Variants in STK32B observed in about 807,000 individuals in gnomAD.
STK32B encodes the protein serine/threonine kinase 32B.
A neutral mutation model predicts 52.6 loss-of-function variants in STK32B; 43 were observed. The ratio of observed to expected loss-of-function variants is 0.82; its 90% CI spans 0.64 to 1.05. The LOEUF is 1.05. STK32B is among the 50% of genes least tolerant of loss of function. STK32B has a pLI of 0.00. For missense variants in STK32B, 621 were observed against 534.6 expected (o/e 1.16, Z -1.59); for synonymous variants, 238 against 204.3 (o/e 1.17, Z -1.41).
At chr4:5,225,410 A>G (rs1364256274) in intron 3 of STK32B, among the ~76,000 whole-genome samples, 1 of 152,204 alleles carries the variant, frequency 6.6e-6, no homozygotes, top group East Asian at 1.9e-4. Context: ...CCGTCTCGAA[A>G]AAAAATAAAA....
intron 1 of STK32B, among the ~76,000 whole-genome samples, chr4:5,078,007 T>C (rs1294151274): frequency 6.6e-6 from 1 of 152,198 alleles, no homozygotes; most frequent in Non-Finnish European, 1.5e-5. Flanking sequence ...TGCACTGTTG[T>C]CTGATTATGG....
intron 1 of STK32B, among the ~76,000 whole-genome samples, chr4:5,131,136 AGAAAATTT>A (rs1715747043): frequency 6.6e-6 from 1 of 152,200 alleles, no homozygotes; most frequent in African/African-American, 2.4e-5. Context: ...CAGGGAACTC[AGAAAATTT>A]GAGGAGAACA....
intron 1 of STK32B, among the ~76,000 whole-genome samples, chr4:5,111,612 A>G (rs1271041881): frequency 6.6e-6 from 1 of 152,108 alleles, no homozygotes; most frequent in Admixed American, 6.5e-5. Flanking sequence ...GGAGACTTCA[A>G]AAGGGGTTGG....
At chr4:5,412,227 G>A (rs1005951352) in intron 5 of STK32B, among the ~76,000 whole-genome samples, 1 of 152,156 alleles carries the variant, frequency 6.6e-6, no homozygotes, top group African/African-American at 2.4e-5. Flanking sequence ...TTGATTTTTG[G>A]ATGTTTTCAG....
chr4:5,023,048 T>A, the STK32B span, among the ~76,000 whole-genome samples: 2 of 151,878 alleles, frequency 1.3e-5, no homozygotes, highest in Non-Finnish European at 2.9e-5. Flanking sequence ...TGTGTCTCTG[T>A]GAAAGACAGA....
chr4:5,483,214 TC>T (rs1718866254), intron 11 of STK32B, among the ~76,000 whole-genome samples: 1 of 151,566 alleles, frequency 6.6e-6, no homozygotes, highest in South Asian at 2.1e-4. Context: ...ATCCATCTGG[TC>T]CTGGACTCTT....
At position 5,453,552 on chromosome 4, in the gene STK32B, C is replaced by G. The variant is rs886820534; in HGVS notation, c.667-3255C>G. 1.3e-5 allele frequency among the ~76,000 whole-genome samples: 2 copies of G among 151,950 alleles called. No homozygotes were observed. Among genetic ancestry groups the G allele is most frequent in the Non-Finnish European group, 2.9e-5 (2 of 67,998 alleles). On this transcript the variant is annotated intron_variant, in intron 7 of 11. Transcript: ENST00000282908. The surrounding 1 kb of genome is among the most constrained non-coding windows in gnomAD (Gnocchi z 4.0). ...CCTCCTTTTCAGGGTAGGGGTGGGA[C>G]TGTTTTGGGCAGAACTGTTTATTGA...
At chr4:5,208,313 A>G (rs184040920) in intron 3 of STK32B, among the ~76,000 whole-genome samples, 2 of 152,332 alleles carry the variant, frequency 1.3e-5, no homozygotes, top group Non-Finnish European at 2.9e-5. Flanking sequence ...CTAGAAAGGA[A>G]GGAGCGCCGG....
intron 11 of STK32B, among the ~76,000 whole-genome samples, chr4:5,494,977 A>G (rs1359445001): frequency 2.0e-5 from 3 of 152,130 alleles, no homozygotes; most frequent in Non-Finnish European, 4.4e-5. Context: ...CTTTGTGGGT[A>G]ACCCGACCTT....
intron 3 of STK32B, among the ~76,000 whole-genome samples, chr4:5,199,798 A>C (rs764240802): frequency 6.6e-6 from 1 of 151,708 alleles, no homozygotes; most frequent in African/African-American, 2.4e-5. Context: ...TTACGCCACA[A>C]AACCCTGCCC....
rs551679333 is a variant in STK32B, at chr4:5,486,390, C to T, written c.1107-12555C>T. ...TGGGTGTAGGATCCTCCCAGCCAGG[C>T]GCGGGATGTAATTGCTGGTGTGCCG... On this transcript the variant is annotated intron_variant, in intron 11 of 11. Transcript: ENST00000282908. Among the ~76,000 whole-genome samples, 201 of 152,292 alleles carry T rather than the reference C, an allele frequency of 1.3e-3. 1 individual carries two copies. The highest frequency in any genetic ancestry group is 3.9e-3 in the African/African-American group (162 of 41,560).
At position 5,331,391 on chromosome 4, in the gene STK32B, C is replaced by T. The variant is rs746913228; in HGVS notation, c.432C>T (p.His144=). 6.2e-7 allele frequency: 1 copy of T among 1,609,140 alleles called. No homozygotes were observed. Among genetic ancestry groups the T allele is most frequent in the Non-Finnish European group, 8.5e-7 (1 of 1,177,076 alleles). The part of the protein sequence containing the change: ...LEYLQRYHII[H]RDIKPDNILL... ...ATCTTCAGAGGTACCACATCATCCA[C>T]AGGTAACTGGGCTGCTGGCGGGATG... Residue 144 remains histidine (H), a splice_region_variant and synonymous_variant, in exon 4 of 12, where the codon CAC becomes CAT. Coordinates refer to ENST00000282908, the MANE Select transcript of STK32B (RefSeq NM_018401.3).
At chr4:5,196,073 G>T (rs1294927242) in intron 3 of STK32B, among the ~76,000 whole-genome samples, 1 of 152,212 alleles carries the variant, frequency 6.6e-6, no homozygotes, top group African/African-American at 2.4e-5. Context: ...GAGTAGGAAA[G>T]TGTCAAAGAC....
chr4:5,414,438 T>C (rs577691240), intron 5 of STK32B, among the ~76,000 whole-genome samples: 3 of 152,244 alleles, frequency 2.0e-5, no homozygotes, highest in Non-Finnish European at 2.9e-5. Flanking sequence ...TAAAAAAGAA[T>C]GTTTCGGGTC....
intron 4 of STK32B, among the ~76,000 whole-genome samples, chr4:5,364,100 C>T (rs201581708): frequency 0.05 from 7,631 of 152,130 alleles, 292 homozygotes; most frequent in African/African-American, 0.1. Context: ...ACCCCCCCCA[C>T]TGTCCACAGG....
chr4:5,344,032 C>T lies in STK32B; in HGVS notation c.434+12639C>T, dbSNP rs139512433. Among the ~76,000 whole-genome samples, 113 of 152,294 alleles carry T rather than the reference C, an allele frequency of 7.4e-4. 1 individual carries two copies. The East Asian group carries it at 0.019, about 26-fold the overall frequency. On this transcript the variant is annotated intron_variant, in intron 4 of 11. Coordinates refer to ENST00000282908, the MANE Select transcript of STK32B (RefSeq NM_018401.3). ...CAATGAAGGCTGTTCAGAGTCTCCA[C>T]GGTCCATAGGCAGTGCTGTTGGATT...
At chr4:5,249,435 C>G (rs1032454040) in intron 3 of STK32B, among the ~76,000 whole-genome samples, 1 of 119,250 alleles carries the variant, frequency 8.4e-6, no homozygotes. Context: ...TCCTTCCTTC[C>G]TACCTACCTT....
At chr4:5,316,111 A>AAT (rs141929839) in intron 3 of STK32B, among the ~76,000 whole-genome samples, 10 of 122,652 alleles carry the variant, frequency 8.2e-5, no homozygotes, top group African/African-American at 1.4e-4. Context: ...TTTCTGTATA[A>AAT]ATATATATAT....
At chr4:5,317,254 C>CATATATATT (rs1284464204) in intron 3 of STK32B, among the ~76,000 whole-genome samples, 1 of 17,686 alleles carries the variant, frequency 5.7e-5, no homozygotes, top group African/African-American at 6.3e-4. Context: ...TTATATATAA[C>CATATATATT]ATATAACATA....
Sources: gnomAD v4.1 joint callset for allele counts (sites outside exome capture counted in the v4.1 genomes callset) on GRCh38, gnomAD v4.1.1 for gene constraint, Gnocchi (gnomAD v3.1) non-coding constraint, MANE v1.5 for transcripts, NCBI Gene and HGNC (gene_info 2026-07-23, HGNC 2026-07-21) for gene names.